CDC14C: variants seen among roughly 807,000 people sequenced by gnomAD.
CDC14C encodes cell division cycle 14C.
In CDC14C, 19 loss-of-function variants were observed where a neutral mutation model predicts 26.9. The observed-to-expected ratio is 0.71, with a 90% CI of 0.49 to 1.04. The LOEUF (loss-of-function observed/expected upper bound fraction) is 1.04. Ranked by LOEUF, CDC14C falls within the 50% of genes least tolerant of loss-of-function variation. The probability of loss-of-function intolerance (pLI) is 0.00; values close to 1 mark genes in which losing one functional copy is unlikely to be tolerated. For missense variants in CDC14C, 423 were observed against 520.0 expected (o/e 0.81, Z 1.81); for synonymous variants, 185 against 180.1 (o/e 1.03, Z -0.22).
chr7:48,926,753 A>G lies in CDC14C; in HGVS notation c.*737A>G, dbSNP rs1254575461. Among the ~76,000 whole-genome samples, 218 of 151,238 alleles carry G rather than the reference A, an allele frequency of 1.4e-3. No individual in the cohort carries two copies. Among genetic ancestry groups the G allele is most frequent in the African/African-American group, 4.7e-3 (194 of 40,884 alleles). On this transcript the variant is annotated 3_prime_UTR_variant, in exon 1 of 1. Transcript: ENST00000650262. ...CATGTTACAGTGCTGCAGAGATTTT[A>G]TTTATGGCCAGTTTTGGGGCCAGTT...
Position 48,924,960 on chromosome 7 carries a change from G to C in CDC14C, c.288G>C (p.Gln96His), listed in dbSNP as rs774884200. 1.3e-6 allele frequency: 2 copies of C among 1,489,086 alleles called. No homozygotes were observed. The highest frequency in any genetic ancestry group is 2.3e-5 in the South Asian group (2 of 88,562). 92.2% of individuals were successfully genotyped at this position (1,489,086 alleles called of 1,614,324 possible). A position where few individuals can be genotyped will look rare whatever the true frequency, so the allele number is the denominator to read the frequency against. Residue 96 changes from glutamine (Q) to histidine (H), a missense_variant, in exon 1 of 1, where the codon CAG becomes CAC. By Grantham distance (24) the Gln-to-His change is conservative (BLOSUM62 0). Coordinates refer to ENST00000650262, the MANE Select transcript of CDC14C (RefSeq NM_152627.3). ...KKIVHFTGSD[Q>H]RKQANAAFLV... ...TTGTTCATTTTACTGGCTCTGATCA[G>C]AGAAAACAAGCAAATGCTGCCTTCC...
chr7:48,925,099 T>G lies in CDC14C; in HGVS notation c.427T>G (p.Cys143Gly). Residue 143 changes from cysteine (C) to glycine (G), a missense_variant, in exon 1 of 1, where the codon TGC becomes GGC. This residue lies in a region of CDC14C where 310 missense variants were observed against 356.8 expected (regional missense o/e 0.87). Transcript: ENST00000650262. Reference protein sequence around the residue: ...IPFRDAAYGSCNFYITLLDCF... With the variant: ...IPFRDAAYGSGNFYITLLDCF... Reference sequence around the variant, plus strand: ...TTTCAGAGATGCTGCCTATGGAAGCTGCAATTTCTACATTACACTTCTTGA... The same window carrying G: ...TTTCAGAGATGCTGCCTATGGAAGCGGCAATTTCTACATTACACTTCTTGA... The G allele has an allele frequency of 6.5e-7, 1 of 1,536,244 alleles. No individual in the cohort carries two copies. The highest frequency in any genetic ancestry group is 9.0e-7 in the Non-Finnish European group (1 of 1,109,252).
At position 48,927,450 on chromosome 7, in the gene CDC14C, A is replaced by C. The variant is rs1041810035; in HGVS notation, c.*1434A>C. 6.6e-6 allele frequency among the ~76,000 whole-genome samples: 1 copy of C among 152,076 alleles called. No individual in the cohort carries two copies. Among genetic ancestry groups the C allele is most frequent in the African/African-American group, 2.4e-5 (1 of 41,396 alleles). On this transcript the variant is annotated 3_prime_UTR_variant, in exon 1 of 1. Coordinates refer to ENST00000650262, the MANE Select transcript of CDC14C (RefSeq NM_152627.3). ...ACAAATTAAAATCATATTTCCTTCC[A>C]TGCATGGAAAAAACACACTATTGGT...
In CDC14C at chr7:48,926,952, C is replaced by G. The variant is rs1429795289; in HGVS notation, c.*936C>G. On this transcript the variant is annotated 3_prime_UTR_variant, in exon 1 of 1. Coordinates refer to ENST00000650262, the MANE Select transcript of CDC14C (RefSeq NM_152627.3). ...TGGTGCATGTGTGTCCTTGTGATGG[C>G]AAGCATTGTAGTTGATGGCCTTCAG... Among the ~76,000 whole-genome samples, 1 of 152,172 alleles carries G rather than the reference C, an allele frequency of 6.6e-6. No individual in the cohort carries two copies. Among genetic ancestry groups the G allele is most frequent in the Non-Finnish European group, 1.5e-5 (1 of 68,048 alleles).
In CDC14C at chr7:48,925,173, C is replaced by T; in HGVS notation, c.501C>T (p.Phe167=). ...CAATGCAGTATGGCTTCCTTAATTT[C>T]AACTCATTTAACCTTGATGAATATG... is the stretch of plus-strand genomic sequence containing the variant. The part of the protein sequence containing the change: ...KKAMQYGFLN[F]NSFNLDEYEH... Residue 167 remains phenylalanine (F), a synonymous_variant, in exon 1 of 1, where the codon TTC becomes TTT. Transcript: ENST00000650262. 6.5e-7 allele frequency: 1 copy of T among 1,531,184 alleles called. No homozygotes were observed. The highest frequency in any genetic ancestry group is 9.1e-7 in the Non-Finnish European group (1 of 1,104,606). The allele number at this position is 1,531,184 out of a possible 1,614,324, so 94.8% of individuals were successfully genotyped here.
At position 48,924,699 on chromosome 7, in the gene CDC14C, G is replaced by A. The variant is rs183108283; in HGVS notation, c.27G>A (p.Pro9=). MRSSTLQD[P]RRRDPQDDVY... is the part of the protein sequence containing the mutation. ...TGCGCAGCTCCACGCTGCAGGACCC[G>A]CGCCGCCGGGACCCCCAGGACGACG... is the stretch of plus-strand genomic sequence containing the variant. Residue 9 remains proline (P), a synonymous_variant, in exon 1 of 1, where the codon CCG becomes CCA. Coordinates refer to ENST00000650262, the MANE Select transcript of CDC14C (RefSeq NM_152627.3). 2.4e-3 allele frequency: 2,951 copies of A among 1,218,000 alleles called. 51 individuals are homozygous for A. In the African/African-American group the frequency reaches 0.035, roughly 15 times the overall value. 75.4% of individuals were successfully genotyped at this position (1,218,000 alleles called of 1,614,324 possible).
Position 48,925,820 on chromosome 7 carries a change from C to A in CDC14C, c.1148C>A (p.Pro383His), listed in dbSNP as rs773672450. ...NGVENQDQQEPKPYSDDDEIN... is the reference protein window; with the variant it reads ...NGVENQDQQEHKPYSDDDEIN... Reference sequence around the variant, plus strand: ...GTCGAGAATCAAGACCAGCAAGAACCCAAACCTTACAGTGATGACGACGAA... The same window carrying A: ...GTCGAGAATCAAGACCAGCAAGAACACAAACCTTACAGTGATGACGACGAA... Residue 383 changes from proline to histidine, a missense_variant, in exon 1 of 1, where the codon CCC becomes CAC. This residue lies in a region of CDC14C where 91 missense variants were observed against 94.2 expected (regional missense o/e 0.97). Transcript: ENST00000650262. 7 of 808,968 alleles carry A rather than the reference C, an allele frequency of 8.7e-6. No individual in the cohort carries two copies. Among genetic ancestry groups the A allele is most frequent in the Non-Finnish European group, 1.5e-5 (7 of 452,048 alleles). 50.1% of individuals were successfully genotyped at this position (808,968 alleles called of 1,614,324 possible).
In CDC14C at chr7:48,925,004, T is replaced by A. The variant is rs569377381; in HGVS notation, c.332T>A (p.Val111Asp). The change falls in exon 1 of 1, where the codon GTT (valine) becomes GAT (aspartate). Residue 111 changes from valine (V) to aspartate (D), a missense_variant. Val to Asp is a radical substitution (Grantham distance 152). This residue lies in a region of CDC14C where 310 missense variants were observed against 356.8 expected (regional missense o/e 0.87). Transcript: ENST00000650262. ...GCCTTCCTTGTTGGATGCTACATGG[T>A]TATATACTTGGGGAGAACCCCAGAA... ...NAAFLVGCYM[V>D]IYLGRTPEAA... The A allele has an allele frequency of 7.3e-7, 1 of 1,379,120 alleles. No homozygotes were observed. The highest frequency in any genetic ancestry group is 1.2e-5 in the South Asian group (1 of 86,234). The allele number at this position is 1,379,120 out of a possible 1,614,324, so 85.4% of individuals were successfully genotyped here. A position where few individuals can be genotyped will look rare whatever the true frequency, so the allele number is the denominator to read the frequency against.
At position 48,925,334 on chromosome 7, in the gene CDC14C, A is replaced by G; in HGVS notation, c.662A>G (p.Tyr221Cys). 6.2e-7 allele frequency: 1 copy of G among 1,608,322 alleles called. No individual in the cohort carries two copies. The highest frequency in any genetic ancestry group is 8.5e-7 in the Non-Finnish European group (1 of 1,174,716). ...HQHSPETYIQ[Y>C]FKNHNVTTII... ...CATTCTCCCGAGACTTATATTCAAT[A>G]TTTTAAGAATCACAATGTTACTACC... Residue 221 changes from tyrosine (Y) to cysteine (C), a missense_variant, in exon 1 of 1, where the codon TAT (tyrosine) becomes TGT (cysteine). By Grantham distance (194) the Tyr-to-Cys change is radical. Transcript: ENST00000650262.
At position 48,925,304 on chromosome 7, in the gene CDC14C, A is replaced by G. The variant is rs564716730; in HGVS notation, c.632A>G (p.His211Arg). 1 of 1,603,708 alleles carries G rather than the reference A, an allele frequency of 6.2e-7. No homozygotes were observed. The highest frequency in any genetic ancestry group is 8.5e-7 in the Non-Finnish European group (1 of 1,170,562). The change falls in exon 1 of 1, where the codon CAC (histidine) becomes CGC (arginine). Residue 211 changes from histidine to arginine, a missense_variant. By Grantham distance (29) the His-to-Arg change is conservative (BLOSUM62 0). This residue lies in a region of CDC14C where 310 missense variants were observed against 356.8 expected (regional missense o/e 0.87). Transcript: ENST00000650262. ...AGAGCCAGACTTGAAAGTGGTTACCACCAACATTCTCCCGAGACTTATATT... is the reference window on the plus strand; with the variant it reads ...AGAGCCAGACTTGAAAGTGGTTACCGCCAACATTCTCCCGAGACTTATATT... ...HSRARLESGY[H>R]QHSPETYIQY...
In CDC14C at chr7:48,925,012, T is replaced by A. The variant is rs749345005; in HGVS notation, c.340T>A (p.Leu114Met). 7.3e-7 allele frequency: 1 copy of A among 1,378,528 alleles called. No homozygotes were observed. Among genetic ancestry groups the A allele is most frequent in the Admixed American group, 1.7e-5 (1 of 59,718 alleles). The allele number at this position is 1,378,528 out of a possible 1,614,324, so 85.4% of individuals were successfully genotyped here. The change falls in exon 1 of 1, where the codon TTG (leucine) becomes ATG (methionine). Residue 114 changes from leucine to methionine, a missense_variant. Transcript: ENST00000650262. ...TGTTGGATGCTACATGGTTATATAC[T>A]TGGGGAGAACCCCAGAAGCAGCATA... ...FLVGCYMVIY[L>M]GRTPEAAYRI...
rs12674238 is a variant in CDC14C, at chr7:48,926,267, A to T, written c.*251A>T. Among the ~76,000 whole-genome samples, 1 of 129,642 alleles carries T rather than the reference A, an allele frequency of 7.7e-6. No individual in the cohort carries two copies. Among genetic ancestry groups the T allele is most frequent in the Non-Finnish European group, 1.7e-5 (1 of 59,642 alleles). 85.1% of individuals were successfully genotyped at this position (129,642 alleles called of 152,430 possible). The stretch of plus-strand genomic sequence containing the variant: ...AATGTCCACGGGGTTTCAGTAATGA[A>T]CTTTTGAGTTTGGGTGCAAGCAAAT... On this transcript the variant is annotated 3_prime_UTR_variant, in exon 1 of 1. Transcript: ENST00000650262.
Position 48,925,706 on chromosome 7 carries a change from G to A in CDC14C, c.1034G>A (p.Arg345His), listed in dbSNP as rs567473033. 1.2e-3 allele frequency: 1,485 copies of A among 1,221,834 alleles called. 4 individuals are homozygous for A. In the Middle Eastern group the frequency reaches 0.04, roughly 33 times the overall value. 75.7% of individuals were successfully genotyped at this position (1,221,834 alleles called of 1,614,324 possible). A position where few individuals can be genotyped will look rare whatever the true frequency, so the allele number is the denominator to read the frequency against. ...TSLWLEGDYF[R>H]QRLKGQENGQ... ...CTCTGGCTGGAAGGGGACTATTTTC[G>A]TCAGAGGTTAAAGGGGCAGGAGAAT... Residue 345 changes from arginine to histidine, a missense_variant, in exon 1 of 1, where the codon CGT becomes CAT. By Grantham distance (29) the Arg-to-His change is conservative. Transcript: ENST00000650262.
Position 48,925,950 on chromosome 7 carries a change from T to C in CDC14C, c.1278T>C (p.Phe426=). 1 of 755,926 alleles carries C rather than the reference T, an allele frequency of 1.3e-6. No homozygotes were observed. The highest frequency in any genetic ancestry group is 2.5e-6 in the Non-Finnish European group (1 of 405,260). The allele number at this position is 755,926 out of a possible 1,614,324, so 46.8% of individuals were successfully genotyped here. A position where few individuals can be genotyped will look rare whatever the true frequency, so the allele number is the denominator to read the frequency against. ...CATCTCCCCTGGCTGTGCTGACCTTTACACTGTGTAGTGTTGTCATCTGGT... is the reference window on the plus strand; with the variant it reads ...CATCTCCCCTGGCTGTGCTGACCTTCACACTGTGTAGTGTTGTCATCTGGT... ...LLPSPLAVLT[F]TLCSVVIWWI... is the part of the protein sequence containing the mutation. Residue 426 remains phenylalanine (F), a synonymous_variant, in exon 1 of 1, where the codon TTT becomes TTC. Transcript: ENST00000650262.
chr7:48,924,638 C>G lies in CDC14C; in HGVS notation c.-35C>G, dbSNP rs13312555. 16 of 1,047,130 alleles carry G rather than the reference C, an allele frequency of 1.5e-5. 1 individual carries two copies. The highest frequency in any genetic ancestry group is 4.7e-5 in the East Asian group (2 of 42,178). 64.9% of individuals were successfully genotyped at this position (1,047,130 alleles called of 1,614,324 possible). A position where few individuals can be genotyped will look rare whatever the true frequency, so the allele number is the denominator to read the frequency against. ...TGGGCCGCCGCGCCCCACTGCTCGC[C>G]GCGCTGCTCTTTGACCTCGCAGGGT... On this transcript the variant is annotated 5_prime_UTR_variant, in exon 1 of 1. Coordinates refer to ENST00000650262, the MANE Select transcript of CDC14C (RefSeq NM_152627.3).
In CDC14C at chr7:48,926,928, G is replaced by C. The variant is rs1010839777; in HGVS notation, c.*912G>C. ...GTACTCAGGGAGCTGGCTGGTCTGT[G>C]GTGCATGTGTGTCCTTGTGATGGCA... On this transcript the variant is annotated 3_prime_UTR_variant, in exon 1 of 1. Coordinates refer to ENST00000650262, the MANE Select transcript of CDC14C (RefSeq NM_152627.3). 6.6e-6 allele frequency among the ~76,000 whole-genome samples: 1 copy of C among 152,136 alleles called. No homozygotes were observed. The highest frequency in any genetic ancestry group is 1.5e-5 in the Non-Finnish European group (1 of 68,032).
In CDC14C at chr7:48,926,682, C is replaced by T. The variant is rs1033181375; in HGVS notation, c.*666C>T. 4.6e-5 allele frequency among the ~76,000 whole-genome samples: 7 copies of T among 151,866 alleles called. No individual in the cohort carries two copies. The highest frequency in any genetic ancestry group is 1.7e-4 in the African/African-American group (7 of 41,306). ...GGCCAGGTGTTCCTTGCCCTCATTC[C>T]GGTAAACCCACACCCTTCCAGCGTG... On this transcript the variant is annotated 3_prime_UTR_variant, in exon 1 of 1. Transcript: ENST00000650262.
rs1219527177 is a variant in CDC14C at position 48,925,656 on chromosome 7, G to T, written c.984G>T (p.Gln328His). 1 of 1,557,308 alleles carries T rather than the reference G, an allele frequency of 6.4e-7. No homozygotes were observed. The highest frequency in any genetic ancestry group is 8.9e-7 in the Non-Finnish European group (1 of 1,128,092). ...GCTTGGTGATCGGGCCTCAGCAGCA[G>T]TTTTTGGTGATGAAGCAAACAAGCC... ...RPGLVIGPQQ[Q>H]FLVMKQTSLW... The change falls in exon 1 of 1, where the codon CAG (glutamine) becomes CAT (histidine). Residue 328 changes from glutamine to histidine, a missense_variant. By Grantham distance (24) the Gln-to-His change is conservative. This residue lies in a region of CDC14C where 91 missense variants were observed against 94.2 expected (regional missense o/e 0.97). Transcript: ENST00000650262.
At position 48,925,619 on chromosome 7, in the gene CDC14C, T is replaced by C. The variant is rs1798873151; in HGVS notation, c.947T>C (p.Ile316Thr). ...GCCGAGACCATTGCGTGGGTAAGGA[T>C]CTGCAGACCTGGCTTGGTGATCGGG... ...TAAETIAWVRICRPGLVIGPQ... is the reference protein window; with the variant it reads ...TAAETIAWVRTCRPGLVIGPQ... Residue 316 changes from isoleucine (I) to threonine (T), a missense_variant, in exon 1 of 1, where the codon ATC (isoleucine) becomes ACC (threonine). By Grantham distance (89) the Ile-to-Thr change is moderately conservative. Transcript: ENST00000650262. 1 of 1,553,328 alleles carries C rather than the reference T, an allele frequency of 6.4e-7. No homozygotes were observed. Among genetic ancestry groups the C allele is most frequent in the African/African-American group, 1.4e-5 (1 of 73,840 alleles).
Sources: allele counts gnomAD v4.1 joint callset (sites outside exome capture counted in the v4.1 genomes callset), GRCh38; gene constraint gnomAD v4.1.1; regional missense constraint gnomAD v4.1.1; transcripts MANE v1.5; gene names NCBI Gene and HGNC (gene_info 2026-07-23, HGNC 2026-07-21).